PIK3R3: variants seen among roughly 807,000 people sequenced by gnomAD.
PIK3R3 encodes phosphatidylinositol 3-kinase regulatory subunit gamma.
In PIK3R3, 64 loss-of-function variants were observed where a neutral mutation model predicts 62.9. That is an observed-to-expected ratio of 1.02 (90% CI 0.83 to 1.25). The LOEUF is 1.25. PIK3R3 is among the 50% of genes most tolerant of loss of function. The pLI is 0.00. For missense variants in PIK3R3, 614 were observed against 561.6 expected (o/e 1.09, Z -0.94); for synonymous variants, 165 against 189.0 (o/e 0.87, Z 1.04).
rs115931280 is a variant in PIK3R3, at chr1:46,112,018, A to G, written c.106+19829T>C. ...AATATTTATCTCCACCTAACATACT[A>G]TATATTCACTTCTTATTTATTGTCA... On this transcript the variant is annotated intron_variant, in intron 1 of 9. Transcript: ENST00000262741. Among the ~76,000 whole-genome samples, 47 of 152,270 alleles carry G rather than the reference A, an allele frequency of 3.1e-4. 1 individual carries two copies. Among genetic ancestry groups the G allele is most frequent in the Non-Finnish European group, 4.7e-4 (32 of 68,014 alleles).
At chr1:46,078,413 G>A (rs1297817906) in intron 2 of PIK3R3, among the ~76,000 whole-genome samples, 2 of 152,062 alleles carry the variant, frequency 1.3e-5, no homozygotes, top group Non-Finnish European at 2.9e-5. Flanking sequence ...GGCAGGGCAA[G>A]CGCCTGTAAT....
At chr1:46,117,149 T>C (rs1444500354) in intron 1 of PIK3R3, among the ~76,000 whole-genome samples, 1 of 152,168 alleles carries the variant, frequency 6.6e-6, no homozygotes, top group South Asian at 2.1e-4. Flanking sequence ...TGAAAGTAAA[T>C]TGGCTGGGTG....
rs1430717171 is a variant in PIK3R3 at position 46,132,590 on chromosome 1, G to A, written c.-638C>T. 49 of 1,288,878 alleles carry A rather than the reference G, an allele frequency of 3.8e-5. No individual in the cohort carries two copies. In the South Asian group the frequency reaches 4.9e-4, roughly 13 times the overall value. 79.8% of individuals were successfully genotyped at this position (1,288,878 alleles called of 1,614,324 possible). ...TCTGGGCGCTCCCGCCGGGGTGTAA[G>A]AACCAACCCGACCGCACCAACTGCC... On this transcript the variant is annotated 5_prime_UTR_variant, in exon 1 of 10. Transcript: ENST00000262741.
At chr1:46,168,885 T>G in the PIK3R3 span, among the ~76,000 whole-genome samples, 1 of 151,976 alleles carries the variant, frequency 6.6e-6, no homozygotes, top group Non-Finnish European at 1.5e-5. Flanking sequence ...AACAGTGGCA[T>G]AGCCCCTCAA....
chr1:46,157,026 G>C, the PIK3R3 span, among the ~76,000 whole-genome samples: 2 of 152,224 alleles, frequency 1.3e-5, no homozygotes, highest in African/African-American at 4.8e-5. Flanking sequence ...CACAGGAAGT[G>C]ATGGAACAGT....
At chr1:46,164,141 T>C in the PIK3R3 span, among the ~76,000 whole-genome samples, 8 of 152,296 alleles carry the variant, frequency 5.3e-5, no homozygotes, top group African/African-American at 1.9e-4. Flanking sequence ...AGGACTCCAA[T>C]TATTGAGGAT....
the PIK3R3 span, among the ~76,000 whole-genome samples, chr1:46,148,482 G>T: frequency 3.3e-5 from 5 of 152,064 alleles, no homozygotes; most frequent in Non-Finnish European, 7.4e-5. Flanking sequence ...ATATAACTGC[G>T]AAGTTCTGGA....
the PIK3R3 span, chr1:46,138,900 A>G: frequency 6.6e-6 from 1 of 152,220 alleles, no homozygotes; most frequent in African/African-American, 2.4e-5. Flanking sequence ...CTCATCTTAC[A>G]CTTCTTGGAA....
intron 4 of PIK3R3, 22 bp downstream of exon 4, chr1:46,066,889 G>C: frequency 6.3e-7 from 1 of 1,582,524 alleles, no homozygotes; most frequent in Non-Finnish European, 8.7e-7. Flanking sequence ...TCAATAGCTA[G>C]CAAGGATTTC....
At chr1:46,076,337 A>G (rs1179052640) in intron 3 of PIK3R3, among the ~76,000 whole-genome samples, 1 of 152,236 alleles carries the variant, frequency 6.6e-6, no homozygotes, top group Non-Finnish European at 1.5e-5. Flanking sequence ...TAGGAAGAAA[A>G]TCAGGAAAGT....
At chr1:46,110,371 C>T (rs1265338379) in intron 1 of PIK3R3, among the ~76,000 whole-genome samples, 1 of 149,322 alleles carries the variant, frequency 6.7e-6, no homozygotes, top group Middle Eastern at 3.5e-3. Flanking sequence ...ATGCACCCAC[C>T]TTTGCCTCCC....
At chr1:46,133,182 A>T (rs1557645239), upstream of PIK3R3, 2 of 191,164 alleles carry the variant, frequency 1.0e-5, no homozygotes, top group East Asian at 1.9e-4. Flanking sequence ...ACTAAGCGGG[A>T]CAAAGGCAGA....
chr1:46,136,176 T>A (rs1249489867), upstream of PIK3R3, among the ~76,000 whole-genome samples: 6 of 152,240 alleles, frequency 3.9e-5, no homozygotes, highest in East Asian at 1.2e-3. Flanking sequence ...TCTCACCATT[T>A]TCCCTTGACC....
chr1:46,098,867 A>AT (rs59197560), intron 1 of PIK3R3, among the ~76,000 whole-genome samples: 101,236 of 151,158 alleles, frequency 0.67, 34,103 homozygotes, highest in Non-Finnish European at 0.71. Context: ...TGCTTAGCTA[A>AT]TTTTTTTTTA....
At chr1:46,051,932 T>C (rs1423149313) in intron 7 of PIK3R3, among the ~76,000 whole-genome samples, 1 of 152,028 alleles carries the variant, frequency 6.6e-6, no homozygotes, top group African/African-American at 2.4e-5. Flanking sequence ...GGTCAGGAGA[T>C]TGAGACCATC....
the PIK3R3 span, among the ~76,000 whole-genome samples, chr1:46,170,584 C>A: frequency 2.6e-5 from 4 of 152,170 alleles, no homozygotes; most frequent in East Asian, 1.9e-4. Flanking sequence ...CCAAGCCTGG[C>A]TAATTTTTGT....
At chr1:46,169,336 C>T in the PIK3R3 span, among the ~76,000 whole-genome samples, 7 of 152,110 alleles carry the variant, frequency 4.6e-5, no homozygotes, top group Middle Eastern at 3.4e-3. Flanking sequence ...TGGTTGTGGG[C>T]GTAAGATTTA....
Position 46,131,968 on chromosome 1 carries a change from A to T in PIK3R3, c.-16T>A, listed in dbSNP as rs758185248. 1 of 1,612,734 alleles carries T rather than the reference A, an allele frequency of 6.2e-7. No homozygotes were observed. The highest frequency in any genetic ancestry group is 1.1e-5 in the South Asian group (1 of 90,738). On this transcript the variant is annotated 5_prime_UTR_variant, in exon 1 of 10. Coordinates refer to ENST00000262741, the MANE Select transcript of PIK3R3 (RefSeq NM_003629.4). ...TATTGTACATCGCGCTGTCAGGGGCAGGTCGCCAGGAGATATATAGAAGGC... is the reference window on the plus strand; with the variant it reads ...TATTGTACATCGCGCTGTCAGGGGCTGGTCGCCAGGAGATATATAGAAGGC...
chr1:46,131,883 T>A lies in PIK3R3; in HGVS notation c.70A>T (p.Thr24Ser), dbSNP rs1655635700. Reference protein sequence around the residue: ...DWREVMMPYSTELIFYIEMDP... With the variant: ...DWREVMMPYSSELIFYIEMDP... ...ATTTCAATATAAAATATCAGTTCTG[T>A]CGAATAGGGCATCATCACCTCCCTC... The change falls in exon 1 of 10, where the codon ACA becomes TCA. Residue 24 changes from threonine to serine, a missense_variant. By Grantham distance (58) the Thr-to-Ser change is moderately conservative (BLOSUM62 1). Transcript: ENST00000262741. 1 of 1,613,492 alleles carries A rather than the reference T, an allele frequency of 6.2e-7. No homozygotes were observed. The highest frequency in any genetic ancestry group is 8.5e-7 in the Non-Finnish European group (1 of 1,179,614).
Sources: gnomAD v4.1 joint callset for allele counts (sites outside exome capture counted in the v4.1 genomes callset) on GRCh38, gnomAD v4.1.1 for gene constraint, MANE v1.5 for transcripts, NCBI Gene and HGNC (gene_info 2026-07-23, HGNC 2026-07-21) for gene names.